PRC1: variants seen among roughly 807,000 people sequenced by gnomAD.
PRC1 encodes the protein anaphase spindle elongation 1 homolog.
A neutral mutation model predicts 91.2 loss-of-function variants in PRC1; 54 were observed. The observed-to-expected ratio is 0.59, with a 90% CI of 0.48 to 0.74. The LOEUF (loss-of-function observed/expected upper bound fraction) is 0.74. PRC1 is among the 30% of genes least tolerant of loss of function. The pLI is 0.00. For synonymous variants in PRC1, 275 were observed against 263.6 expected, an observed-to-expected ratio of 1.04 and a Z score of -0.42; for missense variants, 727 against 746.2, an observed-to-expected ratio of 0.97 and a Z score of 0.30.
In PRC1 at chr15:90,966,563, G is replaced by A. The variant is rs1357750801; in HGVS notation, c.*568C>T. On this transcript the variant is annotated 3_prime_UTR_variant, in exon 15 of 15. Transcript: ENST00000394249. ...GAACTGAACACAATTTAACAAAGCTGCTCCCAGCCTTCCTGTCACCTCTTT... is the reference window on the plus strand; with the variant it reads ...GAACTGAACACAATTTAACAAAGCTACTCCCAGCCTTCCTGTCACCTCTTT... The A allele has an allele frequency of 2.2e-6, 1 of 456,138 alleles. No homozygotes were observed. The highest frequency in any genetic ancestry group is 4.4e-6 in the Non-Finnish European group (1 of 226,802). 28.3% of individuals were successfully genotyped at this position (456,138 alleles called of 1,614,324 possible).
intron 9 of PRC1, among the ~76,000 whole-genome samples, chr15:90,975,863 G>A (rs1272398239): frequency 6.6e-6 from 1 of 152,102 alleles, no homozygotes; most frequent in Non-Finnish European, 1.5e-5. Flanking sequence ...GAGGTCATTA[G>A]GTGGGCCCTA....
Position 90,969,596 on chromosome 15 carries a change from T to C in PRC1, c.1600A>G (p.Lys534Glu), listed in dbSNP as rs1281378946. The stretch of plus-strand genomic sequence containing the variant: ...TGCCTGCCAGTACGGGGTGTTTTCT[T>C]CCCTGAACAGGTGGAAGCAGCGACT... ...KPVAASTCSG[K>E]KTPRTGRHGA... The change falls in exon 13 of 15, where the codon AAG (lysine) becomes GAG (glutamate). Residue 534 changes from lysine (K) to glutamate (E), a missense_variant. Physicochemically the swap from Lys to Glu is moderately conservative, Grantham distance 56. Transcript: ENST00000394249. 1 of 1,608,842 alleles carries C rather than the reference T, an allele frequency of 6.2e-7. No homozygotes were observed. Among genetic ancestry groups the C allele is most frequent in the Admixed American group, 1.7e-5 (1 of 58,524 alleles).
chr15:90,994,348 C>A lies in PRC1; in HGVS notation c.11+59G>T, dbSNP rs978534421. 1.9e-6 allele frequency: 3 copies of A among 1,611,522 alleles called. No homozygotes were observed. The African/African-American group carries it at 4.0e-5, about 22-fold the overall frequency. Reference sequence around the variant, plus strand: ...GGGTCCCGCACCCCTGAACAGGCCCCGCAGCCGAAACGAGCGTCGCTCCCT... The same window carrying A: ...GGGTCCCGCACCCCTGAACAGGCCCAGCAGCCGAAACGAGCGTCGCTCCCT... On this transcript the variant is annotated intron_variant, in intron 1 of 14. Transcript: ENST00000394249.
intron 1 of PRC1, among the ~76,000 whole-genome samples, chr15:90,990,718 T>C (rs1199543095): frequency 6.6e-6 from 1 of 152,198 alleles, no homozygotes; most frequent in Non-Finnish European, 1.5e-5. Flanking sequence ...GGTATGTGGA[T>C]TATACCTCAA....
intron 9 of PRC1, 152 bp downstream of exon 9, chr15:90,976,524 T>TA: frequency 1.7e-6 from 1 of 603,276 alleles, no homozygotes; most frequent in Non-Finnish European, 2.8e-6. Context: ...TACACCTTGA[T>TA]ATGGAGTTGC....
chr15:90,979,409 A>G, intron 7 of PRC1, 115 bp from the exon 8 acceptor site: 1 of 1,219,456 alleles, frequency 8.2e-7, no homozygotes, highest in Non-Finnish European at 1.1e-6. Context: ...GTAAACTGAT[A>G]CAGGAAGAGG....
chr15:90,969,722 A>G (rs2151424184), intron 12 of PRC1, 99 bp from the exon 13 acceptor site: 1 of 827,234 alleles, frequency 1.2e-6, no homozygotes, highest in South Asian at 3.2e-5. Context: ...CTATCTTTAT[A>G]TTCATGTCTA....
rs1474874289 is a variant in PRC1, at chr15:90,966,975, G to GT, written c.*155dup. On this transcript the variant is annotated 3_prime_UTR_variant, in exon 15 of 15. Transcript: ENST00000394249. ...CTAAACCTATGATGGGCTTTCAACT[G>GT]TAACACTCATTCACATCTTTAAGTT... 3 of 663,708 alleles carry GT rather than the reference G, an allele frequency of 4.5e-6. No individual in the cohort carries two copies. The South Asian group carries it at 5.6e-5, about 12-fold the overall frequency. 41.1% of individuals were successfully genotyped at this position (663,708 alleles called of 1,614,324 possible).
At chr15:90,982,273 A>G (rs1282646055) in intron 3 of PRC1, among the ~76,000 whole-genome samples, 1 of 152,236 alleles carries the variant, frequency 6.6e-6, no homozygotes, top group Non-Finnish European at 1.5e-5. Context: ...GGTATTAAGT[A>G]CAGTCATATT....
rs574003058 is a variant in PRC1, at chr15:90,967,691, T to C, written c.1792-489A>G. 6.0e-5 allele frequency: 25 copies of C among 415,506 alleles called. No individual in the cohort carries two copies. The South Asian group carries it at 1.9e-3, about 31-fold the overall frequency. 25.7% of individuals were successfully genotyped at this position (415,506 alleles called of 1,614,324 possible). On this transcript the variant is annotated intron_variant, in intron 14 of 14. Coordinates refer to ENST00000394249, the MANE Select transcript of PRC1 (RefSeq NM_003981.4). Reference sequence around the variant, plus strand: ...TTCTTTCTGTAACATGCTGCCCAGGTTTGTAGCCTAGGAGGAAAACGCCAT... The same window carrying C: ...TTCTTTCTGTAACATGCTGCCCAGGCTTGTAGCCTAGGAGGAAAACGCCAT...
At chr15:90,982,507 G>A (rs570974375) in intron 3 of PRC1, 153 of 156,002 alleles carry the variant, frequency 9.8e-4, no homozygotes, top group Non-Finnish European at 1.8e-3. Flanking sequence ...CCAGCACTTC[G>A]GGAGGCCAAG....
chr15:90,993,938 A>G (rs2040134302), intron 1 of PRC1, among the ~76,000 whole-genome samples: 1 of 152,112 alleles, frequency 6.6e-6, no homozygotes, highest in South Asian at 2.1e-4. Flanking sequence ...AAAGAATAAA[A>G]CAAAGAAAAA....
chr15:90,987,648 G>C (rs539762756), intron 1 of PRC1: 1 of 152,128 alleles, frequency 6.6e-6, no homozygotes, highest in East Asian at 1.9e-4. Flanking sequence ...GGACAACTAA[G>C]ACTGCCCTGG....
At chr15:90,979,445 T>C (rs1316447097) in intron 7 of PRC1, 151 bp from the exon 8 acceptor site, 5 of 890,114 alleles carry the variant, frequency 5.6e-6, no homozygotes, top group Non-Finnish European at 8.3e-6. Flanking sequence ...AATAGATATA[T>C]AGTGGTTAAT....
At chr15:90,982,840 T>A (rs1304710927) in intron 3 of PRC1, 1 of 152,040 alleles carries the variant, frequency 6.6e-6, no homozygotes, top group Non-Finnish European at 1.5e-5. Context: ...TAAATACTCA[T>A]CCTGCTAATC....
rs542215135 is a variant in PRC1, at chr15:90,979,117, T to C, written c.1107+41A>G. On this transcript the variant is annotated intron_variant, in intron 8 of 14. Coordinates refer to ENST00000394249, the MANE Select transcript of PRC1 (RefSeq NM_003981.4). ...AACTGGATTGATTCCGTACATGGCA[T>C]GCTTTCTTAACAGTTAAAAACACAA... The C allele has an allele frequency of 4.4e-6, 7 of 1,592,804 alleles. No individual in the cohort carries two copies. The South Asian group carries it at 7.9e-5, about 18-fold the overall frequency.
At chr15:90,980,582 G>T in intron 6 of PRC1, 193 bp from the exon 7 acceptor site, 1 of 709,234 alleles carries the variant, frequency 1.4e-6, no homozygotes, top group Non-Finnish European at 2.2e-6. Context: ...GCAGTGGCGC[G>T]ATTCTGGCTC....
intron 8 of PRC1, 96 bp downstream of exon 8, chr15:90,979,062 G>A (rs2151515866): frequency 7.4e-7 from 1 of 1,351,520 alleles, no homozygotes; most frequent in Middle Eastern, 2.4e-4. Context: ...ATAAAGATGG[G>A]GTATCAAAAG....
chr15:90,973,635 TTAGA>T lies in PRC1; in HGVS notation c.1461+497_1461+500del, dbSNP rs537690239. On this transcript the variant is annotated intron_variant, in intron 11 of 14. Coordinates refer to ENST00000394249, the MANE Select transcript of PRC1 (RefSeq NM_003981.4). ...GTACGTACCTATGTTCGTTCTATTC[TTAGA>T]TAGGAGAAAACTGCCCTGTGGCTGG... Among the ~76,000 whole-genome samples, 391 of 152,282 alleles carry T rather than the reference TTAGA, an allele frequency of 2.6e-3. 1 individual carries two copies. Among genetic ancestry groups the T allele is most frequent in the African/African-American group, 8.5e-3 (353 of 41,552 alleles).
Sources: gnomAD v4.1 joint callset for allele counts (sites outside exome capture counted in the v4.1 genomes callset) on GRCh38, gnomAD v4.1.1 for gene constraint, MANE v1.5 for transcripts, NCBI Gene and HGNC (gene_info 2026-07-23, HGNC 2026-07-21) for gene names.